Variants in WDR27 observed in about 807,000 individuals in gnomAD.
WDR27 encodes the protein WD repeat-containing protein 27.
A neutral mutation model predicts 114.4 loss-of-function variants in WDR27; 100 were observed. The observed-to-expected ratio is 0.87, with a 90% CI of 0.74 to 1.03. The LOEUF (loss-of-function observed/expected upper bound fraction) is 1.03, where lower values mean the gene tolerates loss of function less well. Among genes scored for constraint, WDR27 ranks in the 50% least tolerant of loss-of-function variants. The probability of loss-of-function intolerance (pLI) is 0.00; values close to 1 mark genes in which losing one functional copy is unlikely to be tolerated. For synonymous variants in WDR27, 449 were observed against 423.1 expected (o/e 1.06, Z -0.75); for missense variants, 1,129 against 1,092.9 (o/e 1.03, Z -0.47).
At chr6:169,680,468 G>C (rs1781215710) in intron 2 of WDR27, among the ~76,000 whole-genome samples, 1 of 152,186 alleles carries the variant, frequency 6.6e-6, no homozygotes, top group Admixed American at 6.5e-5. Context: ...TGTAGTCCCA[G>C]CTACTCGGGA....
At chr6:169,550,596 T>C (rs537066722) in intron 25 of WDR27, among the ~76,000 whole-genome samples, 41 of 151,990 alleles carry the variant, frequency 2.7e-4, no homozygotes, top group Middle Eastern at 6.8e-3. Flanking sequence ...AGTTTTTGTA[T>C]TTTTAGTAGA....
rs916690827 is a variant in WDR27 at position 169,574,852 on chromosome 6, G to A, written c.2524-2312C>T. 5.9e-5 allele frequency among the ~76,000 whole-genome samples: 9 copies of A among 152,212 alleles called. No individual in the cohort carries two copies. The South Asian group carries it at 1.9e-3, about 31-fold the overall frequency. On this transcript the variant is annotated intron_variant, in intron 24 of 25. Transcript: ENST00000448612. ...GCTTATCTCTGCAGGCACGTATTCA[G>A]ATCAGGGAAGTCACTCAAAGGCATG...
At chr6:169,622,748 G>C (rs1485026633) in intron 21 of WDR27, among the ~76,000 whole-genome samples, 2 of 152,230 alleles carry the variant, frequency 1.3e-5, no homozygotes, top group African/African-American at 2.4e-5. Flanking sequence ...CACGGGAGAA[G>C]CGTCCCGGTG....
intron 25 of WDR27, among the ~76,000 whole-genome samples, chr6:169,480,558 G>A (rs535628939): frequency 6.6e-6 from 1 of 152,344 alleles, no homozygotes; most frequent in South Asian, 2.1e-4. Context: ...GATTTTATAT[G>A]CACCAATCAG....
intron 25 of WDR27, among the ~76,000 whole-genome samples, chr6:169,555,712 C>CT (rs1436893502): frequency 1.3e-5 from 2 of 152,090 alleles, no homozygotes; most frequent in Non-Finnish European, 2.9e-5. Context: ...CAATAATTTT[C>CT]TTCACTAGGC....
chr6:169,657,406 AGCCTAGCCGAGCCCG>A (rs1166494745), intron 13 of WDR27, among the ~76,000 whole-genome samples: 3 of 152,338 alleles, frequency 2.0e-5, no homozygotes, highest in African/African-American at 7.2e-5. Flanking sequence ...ACCCTAGCCC[AGCCTAGCCGAGCCCG>A]GCCCGGGGAG....
At chr6:169,588,198 T>C (rs918903375) in intron 23 of WDR27, among the ~76,000 whole-genome samples, 1 of 152,128 alleles carries the variant, frequency 6.6e-6, no homozygotes, top group Non-Finnish European at 1.5e-5. Flanking sequence ...AGAGCAGGGG[T>C]GATGAAATGA....
rs923341647 is a variant in WDR27, at chr6:169,573,901, G to C, written c.2524-1361C>G. On this transcript the variant is annotated intron_variant, in intron 24 of 25. Coordinates refer to ENST00000448612, the MANE Select transcript of WDR27 (RefSeq NM_182552.5). ...CTGTGGTTTGAGATACTTCTGCCTT[G>C]CTAGTTTTTTGCTGGAAATAAGTCT... Among the ~76,000 whole-genome samples the C allele has an allele frequency of 2.6e-5, 4 of 152,184 alleles. No individual in the cohort carries two copies. The South Asian group carries it at 8.3e-4, about 32-fold the overall frequency.
chr6:169,615,490 G>A (rs933087306), intron 21 of WDR27, among the ~76,000 whole-genome samples: 21 of 152,014 alleles, frequency 1.4e-4, no homozygotes, highest in Admixed American at 5.9e-4. Flanking sequence ...ACATACCTAC[G>A]ACCGACTGAT....
At chr6:169,529,946 T>C (rs1006290909) in intron 25 of WDR27, among the ~76,000 whole-genome samples, 6 of 152,232 alleles carry the variant, frequency 3.9e-5, no homozygotes. Flanking sequence ...TCCTATGTGT[T>C]GAGTATAACT....
intron 25 of WDR27, among the ~76,000 whole-genome samples, chr6:169,521,620 TA>T (rs565680631): frequency 6.6e-6 from 1 of 152,028 alleles, no homozygotes; most frequent in Non-Finnish European, 1.5e-5. Flanking sequence ...ACAGGTAACG[TA>T]AAAAATATGT....
Position 169,506,808 on chromosome 6 carries a change from T to C in WDR27, c.2646-49174A>G, listed in dbSNP as rs565223213. Among the ~76,000 whole-genome samples the C allele has an allele frequency of 3.3e-4, 51 of 152,336 alleles. No individual in the cohort carries two copies. In the South Asian group the frequency reaches 0.01, roughly 30 times the overall value. On this transcript the variant is annotated intron_variant, in intron 25 of 25. Transcript: ENST00000448612. ...GGACACATCAACAGAGAAACAGATA[T>C]TTCCACATGTGGCTTGGTTGTTGGA...
chr6:169,462,973 TA>T (rs1396548491), intron 25 of WDR27, among the ~76,000 whole-genome samples: 1 of 152,138 alleles, frequency 6.6e-6, no homozygotes, highest in East Asian at 1.9e-4. Context: ...ATCAACACAA[TA>T]AAAGCTGTAT....
chr6:169,674,962 A>G (rs1286369519), intron 2 of WDR27, among the ~76,000 whole-genome samples: 3 of 152,170 alleles, frequency 2.0e-5, no homozygotes, highest in Non-Finnish European at 2.9e-5. Context: ...TTGAGCCAGG[A>G]TGAGCCAGGA....
At chr6:169,629,656 G>A (rs1394857182) in intron 21 of WDR27, among the ~76,000 whole-genome samples, 6 of 152,078 alleles carry the variant, frequency 3.9e-5, no homozygotes, top group Admixed American at 3.3e-4. Context: ...GCCGGGCGCG[G>A]TGGCTCAGGC....
intron 23 of WDR27, among the ~76,000 whole-genome samples, chr6:169,599,655 T>C (rs926947510): frequency 6.6e-6 from 1 of 152,238 alleles, no homozygotes; most frequent in Non-Finnish European, 1.5e-5. Context: ...CTCTCTTTTC[T>C]TCTTTATTAG....
chr6:169,569,254 C>A (rs1017475357), intron 25 of WDR27, among the ~76,000 whole-genome samples: 1 of 151,964 alleles, frequency 6.6e-6, no homozygotes. Context: ...AAACACTTAA[C>A]GTTTTAAAAC....
At chr6:169,573,136 C>T (rs147990674) in intron 24 of WDR27, among the ~76,000 whole-genome samples, 384 of 152,272 alleles carry the variant, frequency 2.5e-3, no homozygotes, top group Middle Eastern at 3.4e-3. Flanking sequence ...CGCAGACCTC[C>T]GCCTTCGTCT....
At chr6:169,436,426 T>C in the WDR27 span, among the ~76,000 whole-genome samples, 1 of 152,096 alleles carries the variant, frequency 6.6e-6, no homozygotes, top group East Asian at 1.9e-4. Context: ...AGTTTAATAT[T>C]ATTGGTTTAA....
Sources: allele counts gnomAD v4.1 joint callset (sites outside exome capture counted in the v4.1 genomes callset), GRCh38; gene constraint gnomAD v4.1.1; transcripts MANE v1.5; gene names NCBI Gene and HGNC (gene_info 2026-07-23, HGNC 2026-07-21).